RASA3: variants seen among roughly 807,000 people sequenced by gnomAD.
RASA3 encodes ras GTPase-activating protein 3.
In RASA3, 73 loss-of-function variants were observed where a neutral mutation model predicts 110.0. The ratio of observed to expected loss-of-function variants is 0.66; its 90% CI spans 0.55 to 0.81. The LOEUF is 0.81. Among genes scored for constraint, RASA3 ranks in the 30% least tolerant of loss-of-function variants. The probability of loss-of-function intolerance (pLI) is 0.00; values close to 1 mark genes in which losing one functional copy is unlikely to be tolerated. For missense variants in RASA3, 976 were observed against 1,113.2 expected, an observed-to-expected ratio of 0.88 and a Z score of 1.75; for synonymous variants, 500 against 451.4, an observed-to-expected ratio of 1.11 and a Z score of -1.37.
At chr13:114,105,954 C>T (rs1225958882) in intron 1 of RASA3, among the ~76,000 whole-genome samples, 1 of 152,184 alleles carries the variant, frequency 6.6e-6, no homozygotes, top group African/African-American at 2.4e-5. Flanking sequence ...GAGCGTCTTG[C>T]ACCCGCCCTG....
intron 2 of RASA3, among the ~76,000 whole-genome samples, chr13:114,052,453 G>A (rs945777989): frequency 1.3e-5 from 2 of 152,204 alleles, no homozygotes; most frequent in African/African-American, 2.4e-5. Flanking sequence ...TCCATGCTAC[G>A]TGCTCAGGTC....
At chr13:114,131,014 A>T (rs982925831) in intron 1 of RASA3, among the ~76,000 whole-genome samples, 20 of 152,260 alleles carry the variant, frequency 1.3e-4, no homozygotes, top group Non-Finnish European at 1.5e-5. Flanking sequence ...TTCTTGTATG[A>T]AAGTGACAGC....
intron 4 of RASA3, among the ~76,000 whole-genome samples, chr13:114,030,779 G>A (rs1373481870): frequency 6.6e-6 from 1 of 150,550 alleles, no homozygotes; most frequent in African/African-American, 2.5e-5. Context: ...ATGCTGCTGT[G>A]TGTGCATGTC....
Position 114,061,567 on chromosome 13 carries a change from C to T in RASA3, c.174-9412G>A, listed in dbSNP as rs1273801362. ...CGGCAGGCGCCTGTAATCCCAGCTA[C>T]TCAGGAGGCTGAGGCAGGAGAATCA... On this transcript the variant is annotated intron_variant, in intron 2 of 23. Transcript: ENST00000334062. Among the ~76,000 whole-genome samples the T allele has an allele frequency of 2.0e-5, 3 of 151,096 alleles. No individual in the cohort carries two copies. The East Asian group carries it at 5.8e-4, about 29-fold the overall frequency.
intron 1 of RASA3, among the ~76,000 whole-genome samples, chr13:114,089,485 T>C (rs576397906): frequency 2.0e-5 from 3 of 151,894 alleles, no homozygotes; most frequent in Non-Finnish European, 4.4e-5. Flanking sequence ...CAGAAGGTGC[T>C]GTCTGATCCA....
intron 2 of RASA3, among the ~76,000 whole-genome samples, chr13:114,061,260 G>C (rs964488332): frequency 6.6e-6 from 1 of 151,972 alleles, no homozygotes; most frequent in African/African-American, 2.4e-5. Flanking sequence ...CCATGGCCGG[G>C]GACGCTGCCT....
At chr13:114,082,138 A>C (rs2139696603) in intron 1 of RASA3, among the ~76,000 whole-genome samples, 1 of 152,320 alleles carries the variant, frequency 6.6e-6, no homozygotes, top group Non-Finnish European at 1.5e-5. Context: ...TACTGCTGAG[A>C]ACTGAGAAGG....
At chr13:114,047,097 G>A (rs1223106012) in intron 3 of RASA3, among the ~76,000 whole-genome samples, 1 of 152,114 alleles carries the variant, frequency 6.6e-6, no homozygotes, top group Non-Finnish European at 1.5e-5. Context: ...AAAAACTTCT[G>A]TTCTTCAAAG....
chr13:114,018,644 G>A (rs766109212), intron 10 of RASA3, 119 bp downstream of exon 10: 2 of 1,273,058 alleles, frequency 1.6e-6, no homozygotes, highest in Non-Finnish European at 2.2e-6. Flanking sequence ...AGGCTGGGAG[G>A]CGTGGGAAAG....
intron 2 of RASA3, among the ~76,000 whole-genome samples, chr13:114,060,558 C>T (rs546756051): frequency 2.0e-4 from 31 of 152,342 alleles, no homozygotes; most frequent in African/African-American, 7.5e-4. Context: ...TCTGGCAGAG[C>T]CAAGACTGCC....
At chr13:113,990,911 C>A (rs878979087) in intron 22 of RASA3, among the ~76,000 whole-genome samples, 3 of 152,236 alleles carry the variant, frequency 2.0e-5, no homozygotes, top group Admixed American at 2.0e-4. Context: ...TTAGTGTAGG[C>A]CTGGAACCCA....
At chr13:114,019,495 C>T (rs942284751) in intron 9 of RASA3, among the ~76,000 whole-genome samples, 4 of 152,078 alleles carry the variant, frequency 2.6e-5, no homozygotes, top group Non-Finnish European at 5.9e-5. Flanking sequence ...GAGCCTGTGT[C>T]CGAGGCCCCG....
chr13:114,080,205 A>C (rs2079760959), intron 1 of RASA3, among the ~76,000 whole-genome samples: 1 of 151,408 alleles, frequency 6.6e-6, no homozygotes, highest in Non-Finnish European at 1.5e-5. Flanking sequence ...CCTCAAGAGG[A>C]CTCCTGTGGG....
At position 114,112,572 on chromosome 13, in the gene RASA3, G is replaced by A. The variant is rs7986550; in HGVS notation, c.55+19863C>T. Among the ~76,000 whole-genome samples the A allele has an allele frequency of 0.38, 57,315 of 151,874 alleles. 10,899 individuals are homozygous for A. Among genetic ancestry groups the A allele is most frequent in the Middle Eastern group, 0.53 (155 of 294 alleles). ...CCTCGAGCACTTCACACGCGTGCCCGGGGATGCTGGTGCTGCAGGTATGGG... is the reference window on the plus strand; with the variant it reads ...CCTCGAGCACTTCACACGCGTGCCCAGGGATGCTGGTGCTGCAGGTATGGG... On this transcript the variant is annotated intron_variant, in intron 1 of 23. Transcript: ENST00000334062. This position sits in a 1 kb window ranked among gnomAD's most constrained non-coding sequence, Gnocchi z 4.8.
chr13:114,127,272 G>A (rs138194551), intron 1 of RASA3, among the ~76,000 whole-genome samples: 2 of 152,284 alleles, frequency 1.3e-5, no homozygotes, highest in East Asian at 1.9e-4. Flanking sequence ...CAGGAATGAC[G>A]CCCCCAGGGC....
chr13:114,027,227 C>T (rs1168217939), intron 7 of RASA3, among the ~76,000 whole-genome samples, 162 bp downstream of exon 7: 9 of 151,416 alleles, frequency 5.9e-5, no homozygotes, highest in Non-Finnish European at 1.0e-4. Flanking sequence ...CGGCGGGGCT[C>T]GCTCCTCTCC....
chr13:114,109,242 G>C (rs936787567), intron 1 of RASA3, among the ~76,000 whole-genome samples: 3 of 152,198 alleles, frequency 2.0e-5, no homozygotes, highest in African/African-American at 7.2e-5. Context: ...GGTCTTGCTT[G>C]GCACTTGTGT....
Position 114,057,195 on chromosome 13 carries a change from T to C in RASA3, c.174-5040A>G. On this transcript the variant is annotated intron_variant, in intron 2 of 23. Transcript: ENST00000334062. This position sits in a 1 kb window ranked among gnomAD's most constrained non-coding sequence, Gnocchi z 5.0. Reference sequence around the variant, plus strand: ...TTAATGTTTTTCTTCTTATTTCATATAACTTTTTAAACTTAAAGTAATAAA... The same window carrying C: ...TTAATGTTTTTCTTCTTATTTCATACAACTTTTTAAACTTAAAGTAATAAA... 2.0e-6 allele frequency: 2 copies of C among 983,926 alleles called. No individual in the cohort carries two copies. The highest frequency in any genetic ancestry group is 2.4e-6 in the Non-Finnish European group (2 of 828,520). 60.9% of individuals were successfully genotyped at this position (983,926 alleles called of 1,614,324 possible).
chr13:114,004,650 G>A (rs2053474973), intron 18 of RASA3, among the ~76,000 whole-genome samples: 1 of 152,232 alleles, frequency 6.6e-6, no homozygotes, highest in African/African-American at 2.4e-5. Flanking sequence ...GACAGACGCT[G>A]CAGAGCTGTG....
Sources: gnomAD v4.1 joint callset for allele counts (sites outside exome capture counted in the v4.1 genomes callset) on GRCh38, gnomAD v4.1.1 for gene constraint, Gnocchi (gnomAD v3.1) non-coding constraint, MANE v1.5 for transcripts, NCBI Gene and HGNC (gene_info 2026-07-23, HGNC 2026-07-21) for gene names.